MGAT4C: variants seen among roughly 807,000 people sequenced by gnomAD.
MGAT4C encodes the protein alpha-1,3-mannosyl-glycoprotein 4-beta-N-acetylglucosaminyltransferase C.
A neutral mutation model predicts 40.1 loss-of-function variants in MGAT4C; 19 were observed. The observed-to-expected ratio is 0.47, with a 90% CI of 0.33 to 0.70. The LOEUF is 0.70. Among genes scored for constraint, MGAT4C ranks in the 30% least tolerant of loss-of-function variants. The pLI, the probability that MGAT4C is intolerant of heterozygous loss-of-function variation, is 0.02. For missense variants in MGAT4C, 491 were observed against 563.2 expected, an observed-to-expected ratio of 0.87 and a Z score of 1.30; for synonymous variants, 181 against 187.1, an observed-to-expected ratio of 0.97 and a Z score of 0.27.
chr12:86,168,090 T>G (rs1286211956), intron 1 of MGAT4C, among the ~76,000 whole-genome samples: 1 of 152,214 alleles, frequency 6.6e-6, no homozygotes, highest in Non-Finnish European at 1.5e-5. Flanking sequence ...GTGTTCTCTT[T>G]ATCAAATATC....
At chr12:86,280,158 T>C (rs1407029685) in intron 4 of MGAT4C, among the ~76,000 whole-genome samples, 1 of 152,030 alleles carries the variant, frequency 6.6e-6, no homozygotes, top group Non-Finnish European at 1.5e-5. Flanking sequence ...ATTCAGTCAA[T>C]TGGTCTATAG....
At chr12:86,573,535 C>A (rs1716499122) in intron 2 of MGAT4C, among the ~76,000 whole-genome samples, 1 of 151,924 alleles carries the variant, frequency 6.6e-6, no homozygotes, top group African/African-American at 2.4e-5. Flanking sequence ...TGACATGTAA[C>A]CCATTTTTAT....
chr12:86,202,194 TC>T (rs373618841), intron 1 of MGAT4C, among the ~76,000 whole-genome samples: 1 of 152,088 alleles, frequency 6.6e-6, no homozygotes, highest in African/African-American at 2.4e-5. Context: ...TTAGTTCAAA[TC>T]TTAGTAAGAA....
intron 1 of MGAT4C, among the ~76,000 whole-genome samples, chr12:86,806,081 A>C (rs772963311): frequency 1.3e-5 from 2 of 151,528 alleles, no homozygotes; most frequent in African/African-American, 2.4e-5. Context: ...CTACCTCTTT[A>C]GTTGTCCTTA....
chr12:86,276,271 A>G (rs1438415258), intron 4 of MGAT4C, among the ~76,000 whole-genome samples: 2 of 152,124 alleles, frequency 1.3e-5, no homozygotes, highest in Admixed American at 6.5e-5. Context: ...TGAGAAATCT[A>G]TTTTTCAATT....
At chr12:86,101,606 C>T (rs1215130807) in intron 1 of MGAT4C, among the ~76,000 whole-genome samples, 2 of 151,842 alleles carry the variant, frequency 1.3e-5, no homozygotes, top group South Asian at 2.1e-4. Flanking sequence ...TAGTATCAAC[C>T]TGACTGCTCC....
chr12:86,652,347 C>T lies in MGAT4C; in HGVS notation c.-229+74862G>A, dbSNP rs140564693. 1.4e-3 allele frequency among the ~76,000 whole-genome samples: 215 copies of T among 151,924 alleles called. No individual in the cohort carries two copies. The East Asian group carries it at 0.016, about 12-fold the overall frequency. ...AAGTAATTGCCTACGTCCCCTATGA[C>T]GGAAATCCAAAATATATAATAAATG... On this transcript the variant is annotated intron_variant, in intron 2 of 7. Transcript: ENST00000548651.
intron 4 of MGAT4C, among the ~76,000 whole-genome samples, chr12:86,291,075 A>T (rs1953499992): frequency 1.3e-5 from 2 of 152,316 alleles, no homozygotes; most frequent in South Asian, 2.1e-4. Flanking sequence ...TGCCCACTCA[A>T]GCTTGATGGT....
At chr12:86,708,375 G>A (rs1950498780) in intron 2 of MGAT4C, among the ~76,000 whole-genome samples, 1 of 152,220 alleles carries the variant, frequency 6.6e-6, no homozygotes, top group South Asian at 2.1e-4. Flanking sequence ...GAAATGCCTG[G>A]GGGTCCAGAC....
chr12:86,648,522 G>T (rs1169954287), intron 2 of MGAT4C, among the ~76,000 whole-genome samples: 1 of 151,716 alleles, frequency 6.6e-6, no homozygotes, highest in Non-Finnish European at 1.5e-5. Flanking sequence ...TCTGTATATC[G>T]CATTCCCAGT....
intron 1 of MGAT4C, among the ~76,000 whole-genome samples, chr12:86,809,737 ATTTTTC>A (rs1952434845): frequency 6.6e-6 from 1 of 151,158 alleles, no homozygotes; most frequent in South Asian, 2.1e-4. Flanking sequence ...TTGAATTTTG[ATTTTTC>A]TTTTTGTGTA....
At chr12:86,408,448 A>ACTCTCT (rs1174416641) in intron 3 of MGAT4C, among the ~76,000 whole-genome samples, 736 of 29,094 alleles carry the variant, frequency 0.025, 29 homozygotes, top group Non-Finnish European at 0.029. Context: ...TACATAGTAA[A>ACTCTCT]CTCTCTCTCT....
intron 2 of MGAT4C, among the ~76,000 whole-genome samples, chr12:86,502,537 C>T (rs1170724444): frequency 6.6e-6 from 1 of 151,244 alleles, no homozygotes. Context: ...ATTGATTCAT[C>T]CATTGTAACA....
chr12:86,634,047 A>T (rs959402829), intron 2 of MGAT4C, among the ~76,000 whole-genome samples: 1 of 152,080 alleles, frequency 6.6e-6, no homozygotes, highest in African/African-American at 2.4e-5. Context: ...AATGGAGCTT[A>T]TTGTAAGTAT....
At chr12:86,519,381 T>C (rs551362086) in intron 2 of MGAT4C, among the ~76,000 whole-genome samples, 10 of 152,318 alleles carry the variant, frequency 6.6e-5, no homozygotes, top group Non-Finnish European at 8.8e-5. Flanking sequence ...TGCAGATATC[T>C]CTTTGAAATA....
chr12:86,333,458 G>A (rs1344766085), intron 4 of MGAT4C, among the ~76,000 whole-genome samples: 1 of 152,098 alleles, frequency 6.6e-6, no homozygotes, highest in South Asian at 2.1e-4. Context: ...CTATCCCAGA[G>A]TTGTAGCCAT....
chr12:86,006,338 T>A (rs1887873433), intron 2 of MGAT4C, among the ~76,000 whole-genome samples: 1 of 152,172 alleles, frequency 6.6e-6, no homozygotes, highest in African/African-American at 2.4e-5. Context: ...TTCTAACCAT[T>A]AATTTTTTTG....
chr12:86,295,215 C>T (rs955549423), intron 4 of MGAT4C, among the ~76,000 whole-genome samples: 7 of 152,128 alleles, frequency 4.6e-5, no homozygotes, highest in African/African-American at 1.2e-4. Flanking sequence ...TAAACATGGA[C>T]ATTTTGTTCT....
chr12:86,741,350 G>T (rs116009398), intron 1 of MGAT4C, among the ~76,000 whole-genome samples: 1 of 151,024 alleles, frequency 6.6e-6, no homozygotes, highest in Non-Finnish European at 1.5e-5. Context: ...GTTATCAAAC[G>T]TAGAAATTGC....
Sources: gnomAD v4.1 joint callset for allele counts (sites outside exome capture counted in the v4.1 genomes callset) on GRCh38, gnomAD v4.1.1 for gene constraint, MANE v1.5 for transcripts, NCBI Gene and HGNC (gene_info 2026-07-23, HGNC 2026-07-21) for gene names.